The following CCNB3 variants were observed in gnomAD, a reference collection of about 807,000 sequenced individuals.
The protein encoded by CCNB3 is G2/mitotic-specific cyclin-B3.
Under a neutral mutation model 68.0 loss-of-function variants are expected in CCNB3, and 12 were observed. The ratio of observed to expected loss-of-function variants is 0.18; its 90% CI spans 0.11 to 0.29. CCNB3 has a LOEUF of 0.29. Among genes scored for constraint, CCNB3 ranks in the 10% least tolerant of loss-of-function variants. The pLI, the probability that CCNB3 is intolerant of heterozygous loss-of-function variation, is 1.00. For missense variants in CCNB3, 904 were observed against 993.1 expected, an observed-to-expected ratio of 0.91 and a Z score of 1.21; for synonymous variants, 354 against 388.9, an observed-to-expected ratio of 0.91 and a Z score of 1.06.
chrX:50,282,224 C>T (rs1602197765), intron 1 of CCNB3, among the ~76,000 whole-genome samples: 1 of 111,019 alleles, frequency 9.0e-6, no homozygotes, highest in African/African-American at 3.3e-5. Flanking sequence ...AAAACTGGGT[C>T]CCAGAGAGGG....
At chrX:50,219,235 A>T (rs1935632700) in intron 1 of CCNB3, among the ~76,000 whole-genome samples, 1 of 111,376 alleles carries the variant, frequency 9.0e-6, no homozygotes, top group Non-Finnish European at 1.9e-5. Context: ...TTTCACTCTT[A>T]TGGTAGTTTA....
intron 4 of CCNB3, among the ~76,000 whole-genome samples, chrX:50,294,111 A>G (rs1158775188): frequency 9.2e-6 from 1 of 108,672 alleles, no homozygotes; most frequent in Non-Finnish European, 1.9e-5. Flanking sequence ...TATTTTTTTT[A>G]TTATTTTTTT....
chrX:50,227,252 T>C lies in CCNB3; in HGVS notation c.-113+22302T>C, dbSNP rs1417918177. 2.3e-3 allele frequency among the ~76,000 whole-genome samples: 193 copies of C among 83,243 alleles called. 2 individuals carry two copies. The highest frequency in any genetic ancestry group is 7.9e-3 in the African/African-American group (170 of 21,497). 72.3% of individuals were successfully genotyped at this position (83,243 alleles called of 115,157 possible). On this transcript the variant is annotated intron_variant, in intron 1 of 12. Transcript: ENST00000376042. ...TATATAAATATATATATACAGAATATATATATAAATATATATACAGAATAT... is the reference window on the plus strand; with the variant it reads ...TATATAAATATATATATACAGAATACATATATAAATATATATACAGAATAT...
chrX:50,346,538 C>T (rs1464781762), intron 9 of CCNB3, 114 bp from the exon 10 acceptor site: 4 of 759,126 alleles, frequency 5.3e-6, no homozygotes, highest in Non-Finnish European at 7.7e-6. Flanking sequence ...CTCAGAGATA[C>T]CCTGAAGATT....
At chrX:50,226,926 T>TATATATAGA (rs1935850772) in intron 1 of CCNB3, among the ~76,000 whole-genome samples, 1 of 64,001 alleles carries the variant, frequency 1.6e-5, no homozygotes, top group Non-Finnish European at 2.4e-5. Flanking sequence ...ATATATAGAA[T>TATATATAGA]ATATATAGTA....
In CCNB3 at chrX:50,310,598, T is replaced by C. The variant is rs868922959; in HGVS notation, c.2429T>C (p.Ile810Thr). Residue 810 changes from isoleucine to threonine, a missense_variant, in exon 6 of 13, where the codon ATT (isoleucine) becomes ACT (threonine). Coordinates refer to ENST00000376042, the MANE Select transcript of CCNB3 (RefSeq NM_033031.3). ...TTGGCCATGCAGGAGGAGCCCAGCA[T>C]TGAGAAGGAAGCTGTCCTCAAGGAG... ...KLLAMQEEPSIEKEAVLKEPT... is the reference protein window; with the variant it reads ...KLLAMQEEPSTEKEAVLKEPT... 2 of 1,209,387 alleles carry C rather than the reference T, an allele frequency of 1.7e-6. No homozygotes were observed. Among genetic ancestry groups the C allele is most frequent in the Non-Finnish European group, 2.2e-6 (2 of 894,665 alleles).
Position 50,347,648 on chromosome X carries a change from C to T in CCNB3, c.3833C>T (p.Thr1278Ile). 1 of 1,210,304 alleles carries T rather than the reference C, an allele frequency of 8.3e-7. No homozygotes were observed. The highest frequency in any genetic ancestry group is 1.1e-6 in the Non-Finnish European group (1 of 894,987). The change falls in exon 11 of 13, where the codon ACA becomes ATA. Residue 1278 changes from threonine (T) to isoleucine (I), a missense_variant. Coordinates refer to ENST00000376042, the MANE Select transcript of CCNB3 (RefSeq NM_033031.3). Reference sequence around the variant, plus strand: ...TAGTGTATCCACACCAACATGAAGACACTGACCTTGTCCCGCTACATCTGC... The same window carrying T: ...TAGTGTATCCACACCAACATGAAGATACTGACCTTGTCCCGCTACATCTGC... ...YARCIHTNMK[T>I]LTLSRYICEM... is the part of the protein sequence containing the mutation.
intron 9 of CCNB3, among the ~76,000 whole-genome samples, chrX:50,346,275 T>A (rs1409691605): frequency 1.8e-5 from 2 of 112,193 alleles, no homozygotes; most frequent in African/African-American, 6.5e-5. Context: ...TAGCTCCCAT[T>A]TCTGTGGCTT....
chrX:50,215,370 C>CT (rs1366088239), intron 1 of CCNB3, among the ~76,000 whole-genome samples: 1 of 110,680 alleles, frequency 9.0e-6, no homozygotes, highest in African/African-American at 3.3e-5. Context: ...GAGTTCAATT[C>CT]TTATTTTATT....
At chrX:50,211,741 G>A (rs1275579011) in intron 1 of CCNB3, among the ~76,000 whole-genome samples, 2 of 111,529 alleles carry the variant, frequency 1.8e-5, no homozygotes, top group African/African-American at 3.3e-5. Flanking sequence ...GTTGGAAAAC[G>A]TGTTCCTATG....
At position 50,351,225 on chromosome X, in the gene CCNB3, A is replaced by G; in HGVS notation, c.3961-16A>G. On this transcript the variant is annotated splice_polypyrimidine_tract_variant and intron_variant, in intron 11 of 12. Coordinates refer to ENST00000376042, the MANE Select transcript of CCNB3 (RefSeq NM_033031.3). ...CTTCCTATAGTAGAAATCACTATTC[A>G]TGCTGCTTCTTCCAGGTTCCCTTCC... 1.7e-6 allele frequency: 2 copies of G among 1,210,834 alleles called. No homozygotes were observed. Among genetic ancestry groups the G allele is most frequent in the Non-Finnish European group, 2.2e-6 (2 of 894,894 alleles).
rs1396750536 is a variant in CCNB3 at position 50,311,609 on chromosome X, G to GT, written c.3327+120dup. The GT allele has an allele frequency of 7.0e-6, 4 of 572,423 alleles. No individual in the cohort carries two copies. The Admixed American group carries it at 1.2e-4, about 18-fold the overall frequency. The allele number at this position is 572,423 out of a possible 1,213,427, so 47.2% of individuals were successfully genotyped here. ...GTTTTTGTTTTTTGTTGTTGTTGTT[G>GT]TTTTTTTGCCTTCCTAAGCAGTTGA... On this transcript the variant is annotated intron_variant, in intron 6 of 12. Coordinates refer to ENST00000376042, the MANE Select transcript of CCNB3 (RefSeq NM_033031.3).
chrX:50,316,289 T>C (rs1921722646), intron 8 of CCNB3, among the ~76,000 whole-genome samples: 1 of 111,761 alleles, frequency 8.9e-6, no homozygotes, highest in African/African-American at 3.3e-5. Context: ...GTTAAACCTC[T>C]TTTCTTTATA....
Position 50,308,497 on chromosome X carries a change from C to T in CCNB3, c.336-8C>T. On this transcript the variant is annotated splice_polypyrimidine_tract_variant and splice_region_variant and intron_variant, in intron 5 of 12. Transcript: ENST00000376042. Reference sequence around the variant, plus strand: ...ATTTTTCTTACCCAGACATTGTTTCCTTCACAGGCATAAGCTGGAAGTCAC... The same window carrying T: ...ATTTTTCTTACCCAGACATTGTTTCTTTCACAGGCATAAGCTGGAAGTCAC... 8.8e-7 allele frequency: 1 copy of T among 1,142,619 alleles called. No individual in the cohort carries two copies. The highest frequency in any genetic ancestry group is 1.2e-6 in the Non-Finnish European group (1 of 844,494). 94.2% of individuals were successfully genotyped at this position (1,142,619 alleles called of 1,213,427 possible).
intron 1 of CCNB3, among the ~76,000 whole-genome samples, chrX:50,280,693 G>A (rs1162604718): frequency 7.3e-5 from 8 of 110,272 alleles, no homozygotes; most frequent in Admixed American, 9.8e-5. Context: ...TAATAGGCCC[G>A]TACCTGCATC....
At position 50,351,572 on chromosome X, in the gene CCNB3, A is replaced by G. The variant is rs782423820; in HGVS notation, c.4092-35A>G. 25 of 1,152,650 alleles carry G rather than the reference A, an allele frequency of 2.2e-5. 1 individual carries two copies. Among genetic ancestry groups the G allele is most frequent in the Admixed American group, 4.4e-5 (2 of 45,479 alleles). The allele number at this position is 1,152,650 out of a possible 1,213,427, so 95.0% of individuals were successfully genotyped here. A position where few individuals can be genotyped will look rare whatever the true frequency, so the allele number is the denominator to read the frequency against. On this transcript the variant is annotated intron_variant, in intron 12 of 12. Transcript: ENST00000376042. ...CATAGAGCATGATTGTATTTGCCCT[A>G]TTCTATGCTGAGGAGACCCCTCTTC...
chrX:50,337,606 C>T (rs1025139424), intron 8 of CCNB3, among the ~76,000 whole-genome samples: 2 of 111,291 alleles, frequency 1.8e-5, no homozygotes, highest in Non-Finnish European at 3.8e-5. Context: ...ACACAAAGTT[C>T]TAAGTTTTCC....
chrX:50,204,485 C>A (rs1935316581), upstream of CCNB3: 1 of 108,307 alleles, frequency 9.2e-6, no homozygotes, highest in Non-Finnish European at 1.9e-5. Context: ...CTGGCCACTT[C>A]CATCGTCTTG....
At chrX:50,283,911 GAC>G (rs1191829979) in intron 1 of CCNB3, among the ~76,000 whole-genome samples, 1 of 108,148 alleles carries the variant, frequency 9.2e-6, no homozygotes, top group African/African-American at 3.4e-5. Context: ...TGGCATGACA[GAC>G]ACATATAAAT....
Sources: allele counts gnomAD v4.1 joint callset (sites outside exome capture counted in the v4.1 genomes callset), GRCh38; gene constraint gnomAD v4.1.1; transcripts MANE v1.5; gene names NCBI Gene and HGNC (gene_info 2026-07-23, HGNC 2026-07-21).